Variants in ULK4 observed in about 807,000 individuals in gnomAD.
The protein encoded by ULK4 is unc-51 like kinase 4, also known as inactive serine/threonine-protein kinase ULK4.
ULK4 carries 133 observed loss-of-function variants against 160.6 expected under a neutral mutation model. The ratio of observed to expected loss-of-function variants is 0.83; its 90% CI spans 0.72 to 0.96. ULK4 has a LOEUF of 0.96. Ranked by LOEUF, ULK4 falls within the 40% of genes least tolerant of loss-of-function variation. The pLI is 0.00. For synonymous variants in ULK4, 534 were observed against 539.8 expected (o/e 0.99, Z 0.15); for missense variants, 1,580 against 1,499.5 (o/e 1.05, Z -0.89).
chr3:41,954,216 C>T lies in ULK4; in HGVS notation c.138+406G>A, dbSNP rs1700404896. 1.3e-5 allele frequency among the ~76,000 whole-genome samples: 2 copies of T among 150,634 alleles called. 1 individual carries two copies. The highest frequency in any genetic ancestry group is 3.0e-5 in the Non-Finnish European group (2 of 67,638). ...AAAAAGAAAAATACAAAAAATTAGC[C>T]AGGCGTGGTGGTATGTGCCTGTAGT... On this transcript the variant is annotated intron_variant, in intron 2 of 36. Transcript: ENST00000301831.
chr3:41,471,522 C>T (rs1319648349), intron 32 of ULK4, among the ~76,000 whole-genome samples: 1 of 152,142 alleles, frequency 6.6e-6, no homozygotes, highest in East Asian at 1.9e-4. Flanking sequence ...GAACATTCCA[C>T]CTAACAGCAA....
chr3:41,370,762 C>T (rs2081348159), intron 35 of ULK4, among the ~76,000 whole-genome samples: 1 of 152,168 alleles, frequency 6.6e-6, no homozygotes, highest in Admixed American at 6.5e-5. Flanking sequence ...TTTTTCCAAA[C>T]CCCAGTGGCG....
At chr3:41,452,615 AG>A (rs1364969070) in intron 34 of ULK4, among the ~76,000 whole-genome samples, 1 of 152,188 alleles carries the variant, frequency 6.6e-6, no homozygotes, top group Admixed American at 6.5e-5. Context: ...TACATAAAAC[AG>A]AAGTGTAAAA....
intron 32 of ULK4, among the ~76,000 whole-genome samples, chr3:41,524,735 C>T (rs539643270): frequency 1.6e-4 from 24 of 152,134 alleles, no homozygotes; most frequent in South Asian, 4.2e-4. Flanking sequence ...GTCAGGAGAT[C>T]GAGACCATCC....
In ULK4 at chr3:41,903,995, A is replaced by G. The variant is rs1698464261; in HGVS notation, c.1183-3166T>C. On this transcript the variant is annotated intron_variant, in intron 12 of 36. Transcript: ENST00000301831. Reference sequence around the variant, plus strand: ...CCAGCCTGGGCAAAAGGCTCTTAAAAAAAAAAAAAAAAAAAGTAATCAGTG... The same window carrying G: ...CCAGCCTGGGCAAAAGGCTCTTAAAGAAAAAAAAAAAAAAAGTAATCAGTG... Among the ~76,000 whole-genome samples the G allele has an allele frequency of 4.0e-5, 6 of 150,728 alleles. No homozygotes were observed. The South Asian group carries it at 1.3e-3, about 32-fold the overall frequency.
intron 12 of ULK4, among the ~76,000 whole-genome samples, chr3:41,903,467 C>T (rs1274989574): frequency 6.6e-6 from 1 of 151,946 alleles, no homozygotes; most frequent in East Asian, 1.9e-4. Context: ...TGCCTGTGGT[C>T]CCAGCTACTC....
At chr3:41,900,935 A>AT in intron 12 of ULK4, 106 bp from the exon 13 acceptor site, 1 of 717,448 alleles carries the variant, frequency 1.4e-6, no homozygotes, top group Non-Finnish European at 2.3e-6. Flanking sequence ...AATATCACCT[A>AT]TATCAATGTA....
chr3:41,383,522 G>A (rs1026276729), intron 35 of ULK4, among the ~76,000 whole-genome samples: 1 of 152,190 alleles, frequency 6.6e-6, no homozygotes, highest in South Asian at 2.1e-4. Flanking sequence ...GGAACCTGAA[G>A]CATTCTGCGC....
At chr3:41,702,855 G>GTTTT (rs778490796) in intron 27 of ULK4, among the ~76,000 whole-genome samples, 2 of 146,284 alleles carry the variant, frequency 1.4e-5, no homozygotes, top group African/African-American at 2.7e-5. Flanking sequence ...TTTTTTTTTG[G>GTTTT]TTTTGTTTTT....
At chr3:41,703,477 T>C (rs1369602170) in intron 27 of ULK4, among the ~76,000 whole-genome samples, 1 of 152,062 alleles carries the variant, frequency 6.6e-6, no homozygotes, top group African/African-American at 2.4e-5. Flanking sequence ...AGATTAAAAC[T>C]ATATATACCA....
intron 5 of ULK4, among the ~76,000 whole-genome samples, chr3:41,925,293 G>A (rs746891884): frequency 1.6e-4 from 25 of 152,270 alleles, no homozygotes; most frequent in Admixed American, 1.3e-4. Flanking sequence ...CCCGGGAAGC[G>A]CTAGGGGTCA....
intron 35 of ULK4, among the ~76,000 whole-genome samples, chr3:41,270,336 G>A (rs2079118982): frequency 6.6e-6 from 1 of 152,112 alleles, no homozygotes. Context: ...TGACTTTGAA[G>A]CAAGCCCCTG....
rs1699377685 is a variant in ULK4, at chr3:41,926,151, G to A, written c.541+5693C>T. Among the ~76,000 whole-genome samples, 3 of 152,192 alleles carry A rather than the reference G, an allele frequency of 2.0e-5. No individual in the cohort carries two copies. In the South Asian group the frequency reaches 6.2e-4, roughly 31 times the overall value. ...CTCCAGGACGAAGCTTCCAGAGGAAGGAATAGGCAGCAATATGGGCTGTTC... is the reference window on the plus strand; with the variant it reads ...CTCCAGGACGAAGCTTCCAGAGGAAAGAATAGGCAGCAATATGGGCTGTTC... On this transcript the variant is annotated intron_variant, in intron 5 of 36. Coordinates refer to ENST00000301831, the MANE Select transcript of ULK4 (RefSeq NM_017886.4).
At chr3:41,408,769 A>G (rs1368540008) in intron 34 of ULK4, among the ~76,000 whole-genome samples, 1 of 152,178 alleles carries the variant, frequency 6.6e-6, no homozygotes, top group Non-Finnish European at 1.5e-5. Flanking sequence ...AGATCTAGAG[A>G]CCAATGGAAT....
intron 22 of ULK4, among the ~76,000 whole-genome samples, chr3:41,720,761 T>C (rs975233624): frequency 2.6e-5 from 4 of 152,298 alleles, no homozygotes; most frequent in African/African-American, 9.6e-5. Flanking sequence ...ACTCTGAGGA[T>C]ACTGATACTC....
At chr3:41,786,598 C>CAAAAAA (rs34207417) in intron 21 of ULK4, among the ~76,000 whole-genome samples, 1 of 64,128 alleles carries the variant, frequency 1.6e-5, no homozygotes. Context: ...ATCCTGTCTC[C>CAAAAAA]AAAAAAAAAA....
chr3:41,950,533 G>A (rs905036285), intron 2 of ULK4, among the ~76,000 whole-genome samples: 6 of 151,796 alleles, frequency 4.0e-5, no homozygotes, highest in African/African-American at 7.3e-5. Flanking sequence ...ATGAGCCACC[G>A]CGCCTGGCCC....
intron 2 of ULK4, among the ~76,000 whole-genome samples, chr3:41,950,363 C>T (rs970719045): frequency 1.3e-5 from 2 of 152,196 alleles, no homozygotes; most frequent in South Asian, 2.1e-4. Flanking sequence ...GCCTCAGCCT[C>T]CCAAGTAGCT....
intron 2 of ULK4, among the ~76,000 whole-genome samples, chr3:41,942,735 T>G (rs1245859407): frequency 1.3e-5 from 2 of 151,932 alleles, no homozygotes. Context: ...GAGAATCGCT[T>G]GAACCCGGGA....
Sources: gnomAD v4.1 joint callset for allele counts (sites outside exome capture counted in the v4.1 genomes callset) on GRCh38, gnomAD v4.1.1 for gene constraint, MANE v1.5 for transcripts, NCBI Gene and HGNC (gene_info 2026-07-23, HGNC 2026-07-21) for gene names.